LAMA2: variants seen among roughly 807,000 people sequenced by gnomAD.
The protein encoded by LAMA2 is laminin subunit alpha-2.
In LAMA2, 269 loss-of-function variants were observed where a neutral mutation model predicts 364.8. The ratio of observed to expected loss-of-function variants is 0.74; its 90% CI spans 0.67 to 0.82. The LOEUF (loss-of-function observed/expected upper bound fraction) is 0.82, where lower values mean the gene tolerates loss of function less well. LAMA2 is among the 40% of genes least tolerant of loss of function. The probability of loss-of-function intolerance (pLI) is 0.00; values close to 1 mark genes in which losing one functional copy is unlikely to be tolerated. For missense variants in LAMA2, 3,807 were observed against 3,873.2 expected (o/e 0.98, Z 0.45); for synonymous variants, 1,379 against 1,370.6 (o/e 1.01, Z -0.14).
In LAMA2 at chr6:129,010,481, TCTC is replaced by T. The variant is rs551298940; in HGVS notation, c.113-39433_113-39431del. ...CAATTTTCACTAATCTAGAAAATTC[TCTC>T]CTCAAGAGAAAAGGGATTTAAAAAC... On this transcript the variant is annotated intron_variant, in intron 1 of 64. Transcript: ENST00000421865. Among the ~76,000 whole-genome samples, 147 of 152,328 alleles carry T rather than the reference TCTC, an allele frequency of 9.7e-4. 1 individual carries two copies. The highest frequency in any genetic ancestry group is 3.3e-3 in the African/African-American group (136 of 41,578).
intron 29 of LAMA2, among the ~76,000 whole-genome samples, chr6:129,340,180 C>G (rs1324797964): frequency 1.3e-5 from 2 of 152,022 alleles, no homozygotes; most frequent in East Asian, 1.9e-4. Flanking sequence ...AAACCAGAAG[C>G]CTGTTTAAAG....
At chr6:129,035,571 CATTA>C (rs1786585778) in intron 1 of LAMA2, among the ~76,000 whole-genome samples, 1 of 130,068 alleles carries the variant, frequency 7.7e-6, no homozygotes, top group Admixed American at 8.3e-5. Flanking sequence ...TAGTCTTAGT[CATTA>C]ATTCTTTACC....
intron 4 of LAMA2, among the ~76,000 whole-genome samples, chr6:129,129,881 G>A (rs1583096729): frequency 1.5e-5 from 2 of 134,906 alleles, no homozygotes; most frequent in South Asian, 4.8e-4. Flanking sequence ...CCGAGATCCC[G>A]CCACTGCACT....
chr6:129,281,885 T>A (rs1009553398), intron 18 of LAMA2, among the ~76,000 whole-genome samples: 6 of 152,184 alleles, frequency 3.9e-5, no homozygotes, highest in African/African-American at 1.2e-4. Context: ...AGATTTATAA[T>A]TTCATTGTAT....
rs539604713 is a variant in LAMA2 at position 129,427,705 on chromosome 6, A to G, written c.5866-47A>G. The G allele has an allele frequency of 6.9e-5, 96 of 1,396,106 alleles. 4 individuals are homozygous for G. The Admixed American group carries it at 1.5e-3, about 22-fold the overall frequency. 86.5% of individuals were successfully genotyped at this position (1,396,106 alleles called of 1,614,324 possible). A position where few individuals can be genotyped will look rare whatever the true frequency, so the allele number is the denominator to read the frequency against. On this transcript the variant is annotated intron_variant, in intron 40 of 64. Coordinates refer to ENST00000421865, the MANE Select transcript of LAMA2 (RefSeq NM_000426.4). ...ACTGCCTTCTGGATCCCTCCACTCC[A>G]TTATTCTATGGTTTTAGATGTATGA...
At chr6:129,019,271 T>C (rs1785266002) in intron 1 of LAMA2, among the ~76,000 whole-genome samples, 1 of 151,536 alleles carries the variant, frequency 6.6e-6, no homozygotes, top group African/African-American at 2.4e-5. Flanking sequence ...TACTTATTCC[T>C]TCAAGTTTTG....
chr6:129,157,081 T>C (rs1290723354), intron 8 of LAMA2, among the ~76,000 whole-genome samples: 2 of 152,174 alleles, frequency 1.3e-5, no homozygotes, highest in Non-Finnish European at 2.9e-5. Context: ...TAGGCTGTTT[T>C]ACAAAGGTGG....
intron 6 of LAMA2, among the ~76,000 whole-genome samples, chr6:129,147,264 CTTTTTTT>C (rs10647857): frequency 8.0e-6 from 1 of 125,636 alleles, no homozygotes; most frequent in African/African-American, 2.9e-5. Flanking sequence ...TTAGTTTTTC[CTTTTTTT>C]TTTTTTTTTT....
intron 62 of LAMA2, among the ~76,000 whole-genome samples, chr6:129,508,455 A>G (rs2571571): frequency 0.64 from 96,391 of 151,286 alleles, 31,463 homozygotes; most frequent in Non-Finnish European, 0.71. Flanking sequence ...TTGTGCTAGC[A>G]AATACTAAAT....
chr6:129,493,217 C>T (rs76158781), intron 58 of LAMA2, among the ~76,000 whole-genome samples: 2,376 of 152,058 alleles, frequency 0.016, 62 homozygotes, highest in African/African-American at 0.054. Flanking sequence ...ATGTGTATGT[C>T]TAATATGATT....
Position 129,236,885 on chromosome 6 carries a change from G to A in LAMA2, c.1783-13227G>A, listed in dbSNP as rs147126242. On this transcript the variant is annotated intron_variant, in intron 12 of 64. Transcript: ENST00000421865. ...ATTGGATAGTTTCTTCATTATATGT[G>A]TAAGTATATGTAATATATCATATGT... 9.1e-4 allele frequency among the ~76,000 whole-genome samples: 139 copies of A among 152,116 alleles called. 1 individual carries two copies. The highest frequency in any genetic ancestry group is 3.4e-3 in the Middle Eastern group (1 of 292).
At chr6:128,950,598 C>T (rs1326688761) in intron 1 of LAMA2, among the ~76,000 whole-genome samples, 2 of 151,948 alleles carry the variant, frequency 1.3e-5, no homozygotes, top group African/African-American at 2.4e-5. Context: ...TCCACATGGC[C>T]CAGGATTGAA....
At chr6:129,192,228 A>G (rs1358882272) in intron 11 of LAMA2, among the ~76,000 whole-genome samples, 2 of 152,256 alleles carry the variant, frequency 1.3e-5, no homozygotes, top group Non-Finnish European at 2.9e-5. Context: ...CCTCTGCATT[A>G]CAAATACATA....
chr6:129,295,344 G>T (rs139912937), intron 20 of LAMA2, among the ~76,000 whole-genome samples: 1 of 152,170 alleles, frequency 6.6e-6, no homozygotes, highest in African/African-American at 2.4e-5. Context: ...TTATTACCCC[G>T]AGAGAGACAC....
At chr6:128,886,698 A>G (rs184710856) in intron 1 of LAMA2, among the ~76,000 whole-genome samples, 18 of 152,320 alleles carry the variant, frequency 1.2e-4, no homozygotes, top group Non-Finnish European at 8.8e-5. Context: ...GGACTATTCT[A>G]AAGGCTGAAG....
At chr6:129,292,448 T>C (rs796085503) in intron 20 of LAMA2, among the ~76,000 whole-genome samples, 22 of 152,358 alleles carry the variant, frequency 1.4e-4, no homozygotes, top group African/African-American at 5.3e-4. Flanking sequence ...GTCTACCTAA[T>C]GGAAGTTTCA....
chr6:128,910,424 C>T (rs369867051), intron 1 of LAMA2, among the ~76,000 whole-genome samples: 9,440 of 152,112 alleles, frequency 0.062, 337 homozygotes, highest in African/African-American at 0.095. Context: ...TCCAGTTGAT[C>T]GCATCGGCTC....
At chr6:129,443,738 C>T (rs1318211161) in intron 44 of LAMA2, among the ~76,000 whole-genome samples, 6 of 152,066 alleles carry the variant, frequency 3.9e-5, no homozygotes, top group Non-Finnish European at 1.5e-5. Context: ...AAACATCCCA[C>T]AGTTTAAATT....
rs1300484688 is a variant in LAMA2, at chr6:129,048,493, T to TTTCCTTCC, written c.113-1382_113-1375dup. ...CTTTCTTTCTTTCTTTCTTTCTTTCTTTCCTTCCTTCCTTCCTTCCTTCCT... is the reference window on the plus strand; with the variant it reads ...CTTTCTTTCTTTCTTTCTTTCTTTCTTTCCTTCCTTCCTTCCTTCCTTCCTTCCTTCCT... On this transcript the variant is annotated intron_variant, in intron 1 of 64. Coordinates refer to ENST00000421865, the MANE Select transcript of LAMA2 (RefSeq NM_000426.4). Among the ~76,000 whole-genome samples, 156 of 51,306 alleles carry TTTCCTTCC rather than the reference T, an allele frequency of 3.0e-3. 2 individuals carry two copies. The highest frequency in any genetic ancestry group is 4.1e-3 in the Non-Finnish European group (102 of 24,592). 33.7% of individuals were successfully genotyped at this position (51,306 alleles called of 152,430 possible).
Sources: allele counts gnomAD v4.1 joint callset (sites outside exome capture counted in the v4.1 genomes callset), GRCh38; gene constraint gnomAD v4.1.1; transcripts MANE v1.5; gene names NCBI Gene and HGNC (gene_info 2026-07-23, HGNC 2026-07-21).